The following COL4A1 variants were observed in gnomAD, a reference collection of about 807,000 sequenced individuals.
COL4A1 encodes the protein collagen type IV alpha 1 chain, also known as collagen alpha-1(IV) chain.
In COL4A1, 40 loss-of-function variants were observed where a neutral mutation model predicts 216.6. That is an observed-to-expected ratio of 0.18 (90% confidence interval 0.14 to 0.24). COL4A1 has a LOEUF of 0.24. COL4A1 is among the 10% of genes least tolerant of loss of function. COL4A1 has a pLI of 1.00. For missense variants in COL4A1, 1,628 were observed against 2,196.8 expected (o/e 0.74, Z 5.18); for synonymous variants, 839 against 810.7 (o/e 1.03, Z -0.59).
At chr13:110,212,345 A>C in intron 6 of COL4A1, 72 bp downstream of exon 6, 2 of 1,560,056 alleles carry the variant, frequency 1.3e-6, no homozygotes, top group Non-Finnish European at 1.8e-6. Context: ...ACAGAATCAC[A>C]CTACCTGACT....
chr13:110,153,298 C>T (rs1022410358), intron 50 of COL4A1, among the ~76,000 whole-genome samples: 2 of 152,226 alleles, frequency 1.3e-5, no homozygotes, highest in Non-Finnish European at 1.5e-5. Context: ...GAGGCAAGGA[C>T]GGGGTCTCCA....
intron 1 of COL4A1, among the ~76,000 whole-genome samples, chr13:110,256,407 C>T (rs1343066082): frequency 1.3e-5 from 2 of 152,176 alleles, no homozygotes; most frequent in East Asian, 1.9e-4. Flanking sequence ...AGGAGGATGG[C>T]CACTTGCTGA....
At chr13:110,169,941 G>C (rs28544154) in intron 42 of COL4A1, among the ~76,000 whole-genome samples, 179 bp from the exon 43 acceptor site, 1 of 67,600 alleles carries the variant, frequency 1.5e-5, no homozygotes, top group African/African-American at 3.6e-5. Context: ...GGGAGGGAGG[G>C]AGGGAATAGA....
At chr13:110,259,092 C>T (rs911441933) in intron 1 of COL4A1, among the ~76,000 whole-genome samples, 6 of 152,210 alleles carry the variant, frequency 3.9e-5, no homozygotes, top group Admixed American at 2.6e-4. Flanking sequence ...ATTTCTGACG[C>T]GTGCGCCCTT....
chr13:110,230,851 G>A (rs1210709827), intron 2 of COL4A1, among the ~76,000 whole-genome samples: 5 of 152,294 alleles, frequency 3.3e-5, no homozygotes, highest in East Asian at 1.9e-4. Flanking sequence ...CAGCCGCCCG[G>A]AACCTCTGCT....
At chr13:110,233,448 A>G (rs1881159307) in intron 2 of COL4A1, among the ~76,000 whole-genome samples, 1 of 152,148 alleles carries the variant, frequency 6.6e-6, no homozygotes, top group Non-Finnish European at 1.5e-5. Flanking sequence ...TCAAAGTCAG[A>G]TACTTTGGGG....
chr13:110,189,294 C>T (rs1456133382), intron 24 of COL4A1, among the ~76,000 whole-genome samples: 3 of 152,224 alleles, frequency 2.0e-5, no homozygotes, highest in African/African-American at 7.2e-5. Context: ...AACTCCCGAC[C>T]TCAGGTGATC....
intron 24 of COL4A1, 120 bp downstream of exon 24, chr13:110,192,094 A>G: frequency 1.9e-6 from 2 of 1,032,808 alleles, no homozygotes; most frequent in East Asian, 2.4e-5. Flanking sequence ...CGACACAGCA[A>G]CACTTACCAG....
chr13:110,242,833 C>T (rs544160352), intron 1 of COL4A1, 99 bp from the exon 2 acceptor site: 6 of 1,290,254 alleles, frequency 4.7e-6, no homozygotes, highest in African/African-American at 1.5e-5. Context: ...TGTTTATGAG[C>T]GAAGCCTGCC....
At chr13:110,240,927 T>C (rs1881537570) in intron 2 of COL4A1, among the ~76,000 whole-genome samples, 1 of 152,214 alleles carries the variant, frequency 6.6e-6, no homozygotes, top group African/African-American at 2.4e-5. Context: ...TAGAGTGCAA[T>C]GGTGTGTTCT....
In COL4A1 at chr13:110,174,222, T is replaced by C. The variant is rs549316873; in HGVS notation, c.3406+224A>G. Among the ~76,000 whole-genome samples, 254 of 152,296 alleles carry C rather than the reference T, an allele frequency of 1.7e-3. 1 individual carries two copies. The highest frequency in any genetic ancestry group is 5.9e-3 in the African/African-American group (244 of 41,580). ...AAAGCTGGTGACAAAAACTCCATGA[T>C]GGCCACAAAAACAGTTTGGAGATTT... On this transcript the variant is annotated intron_variant, in intron 39 of 51. Coordinates refer to ENST00000375820, the MANE Select transcript of COL4A1 (RefSeq NM_001845.6).
chr13:110,289,744 A>G (rs71440056), intron 1 of COL4A1, among the ~76,000 whole-genome samples: 22,635 of 152,170 alleles, frequency 0.15, 1,740 homozygotes, highest in South Asian at 0.26. Flanking sequence ...CCAACATCTC[A>G]GGTTCCTGAT....
At chr13:110,275,813 C>G (rs924706374) in intron 1 of COL4A1, among the ~76,000 whole-genome samples, 1 of 152,090 alleles carries the variant, frequency 6.6e-6, no homozygotes, top group Non-Finnish European at 1.5e-5. Flanking sequence ...ACATACCATA[C>G]GATTCCAACT....
At chr13:110,197,622 T>C (rs1243233974) in intron 21 of COL4A1, among the ~76,000 whole-genome samples, 1 of 152,196 alleles carries the variant, frequency 6.6e-6, no homozygotes, top group East Asian at 1.9e-4. Context: ...GTAGATCACA[T>C]TCCCCATCGA....
intron 1 of COL4A1, among the ~76,000 whole-genome samples, chr13:110,247,324 T>C (rs1041550849): frequency 1.3e-5 from 2 of 152,046 alleles, no homozygotes; most frequent in Non-Finnish European, 2.9e-5. Flanking sequence ...ATAGCAGAGA[T>C]CAGCTTTAAA....
rs1255865847 is a variant in COL4A1 at position 110,163,500 on chromosome 13, A to G, written c.4212T>C (p.Pro1404=). ...PPGIPGFDGA[P]GQKGEMGPAG... ...CAGGTCCCATCTCTCCTTTCTGGCC[A>G]GGGGCACCGTCAAACCCAGGAATAC... The change falls in exon 47 of 52, where the codon CCT becomes CCC. Residue 1404 remains proline (P), a synonymous_variant. Coordinates refer to ENST00000375820, the MANE Select transcript of COL4A1 (RefSeq NM_001845.6). 2 of 1,614,118 alleles carry G rather than the reference A, an allele frequency of 1.2e-6. No individual in the cohort carries two copies. The highest frequency in any genetic ancestry group is 1.7e-6 in the Non-Finnish European group (2 of 1,180,022).
intron 43 of COL4A1, 141 bp downstream of exon 43, chr13:110,169,488 T>C (rs1400700892): frequency 4.2e-5 from 56 of 1,344,104 alleles, no homozygotes; most frequent in Non-Finnish European, 4.9e-5. Flanking sequence ...AGTGGGGATG[T>C]GGGAGTGTAA....
chr13:110,156,429 G>A (rs963090145), intron 49 of COL4A1, among the ~76,000 whole-genome samples: 1 of 152,154 alleles, frequency 6.6e-6, no homozygotes, highest in Non-Finnish European at 1.5e-5. Context: ...TGTCCACATG[G>A]GCCTCCTGCG....
At chr13:110,221,122 G>C (rs1880457995) in intron 2 of COL4A1, among the ~76,000 whole-genome samples, 1 of 152,146 alleles carries the variant, frequency 6.6e-6, no homozygotes, top group Admixed American at 6.5e-5. Flanking sequence ...ACAATTCTAG[G>C]CTCAAGTATT....
Sources: gnomAD v4.1 joint callset for allele counts (sites outside exome capture counted in the v4.1 genomes callset) on GRCh38, gnomAD v4.1.1 for gene constraint, MANE v1.5 for transcripts, NCBI Gene and HGNC (gene_info 2026-07-23, HGNC 2026-07-21) for gene names.